Variants in ACVR1 observed in about 807,000 individuals in gnomAD.
ACVR1 encodes the protein activin receptor type-1.
In ACVR1, 38 loss-of-function variants were observed where a neutral mutation model predicts 57.1. The observed-to-expected ratio is 0.67, with a 90% CI of 0.51 to 0.87. The LOEUF (loss-of-function observed/expected upper bound fraction) is 0.87, where lower values mean the gene tolerates loss of function less well. Ranked by LOEUF, ACVR1 falls within the 40% of genes least tolerant of loss-of-function variation. The pLI, the probability that ACVR1 is intolerant of heterozygous loss-of-function variation, is 0.00. For missense variants in ACVR1, 463 were observed against 638.2 expected, an observed-to-expected ratio of 0.73 and a Z score of 2.96; for synonymous variants, 212 against 228.1, an observed-to-expected ratio of 0.93 and a Z score of 0.63.
In ACVR1 at chr2:157,738,573, G is replaced by A; in HGVS notation, c.1265-3C>T. 1.9e-6 allele frequency: 3 copies of A among 1,614,004 alleles called. No homozygotes were observed. In the South Asian group the frequency reaches 3.3e-5, roughly 18 times the overall value. On this transcript the variant is annotated splice_polypyrimidine_tract_variant and splice_region_variant and intron_variant, in intron 9 of 10. Coordinates refer to ENST00000434821, the MANE Select transcript of ACVR1 (RefSeq NM_001111067.4). ...TGGCTTGTAATCCTCCACTATACCT[G>A]CACACAAGGACAAGAATTGTGTTCG...
chr2:157,754,733 G>C (rs1169031086), intron 9 of ACVR1, among the ~76,000 whole-genome samples: 1 of 152,154 alleles, frequency 6.6e-6, no homozygotes, highest in Non-Finnish European at 1.5e-5. Flanking sequence ...GATAGAGAAA[G>C]AGGGAATCTT....
intron 5 of ACVR1, among the ~76,000 whole-genome samples, chr2:157,774,685 G>A (rs898032656): frequency 6.6e-6 from 1 of 152,132 alleles, no homozygotes; most frequent in Non-Finnish European, 1.5e-5. Context: ...TATTTCTTCG[G>A]AATACTAGAA....
chr2:157,805,033 G>A (rs966458505), intron 2 of ACVR1, among the ~76,000 whole-genome samples: 1 of 152,166 alleles, frequency 6.6e-6, no homozygotes, highest in Non-Finnish European at 1.5e-5. Flanking sequence ...TGTGGTATTG[G>A]TCACAGAATA....
At chr2:157,851,832 G>A (rs1299717283) in intron 1 of ACVR1, among the ~76,000 whole-genome samples, 2 of 149,446 alleles carry the variant, frequency 1.3e-5, no homozygotes, top group African/African-American at 2.5e-5. Context: ...ACTAAAAAGA[G>A]GACTCCTGAG....
intron 1 of ACVR1, among the ~76,000 whole-genome samples, chr2:157,848,185 G>T (rs1689181583): frequency 6.6e-6 from 1 of 152,170 alleles, no homozygotes; most frequent in African/African-American, 2.4e-5. Context: ...CAAGAGGTGG[G>T]ATCTATATCT....
At chr2:157,844,586 A>C (rs1360516749) in intron 1 of ACVR1, among the ~76,000 whole-genome samples, 4 of 152,194 alleles carry the variant, frequency 2.6e-5, no homozygotes, top group Non-Finnish European at 4.4e-5. Flanking sequence ...TTTACTTGAC[A>C]CTTTTCATTT....
chr2:157,861,282 A>G (rs1333099628), intron 1 of ACVR1, among the ~76,000 whole-genome samples: 1 of 152,208 alleles, frequency 6.6e-6, no homozygotes, highest in Non-Finnish European at 1.5e-5. Flanking sequence ...GGCACACAGT[A>G]GCTACTTAAT....
chr2:157,784,344 C>T (rs532728628), intron 3 of ACVR1, among the ~76,000 whole-genome samples: 1 of 152,300 alleles, frequency 6.6e-6, no homozygotes, highest in East Asian at 1.9e-4. Flanking sequence ...GACTGATTTT[C>T]AACAGTACTG....
chr2:157,804,212 GTAC>G (rs1231915647), intron 2 of ACVR1, among the ~76,000 whole-genome samples: 9 of 152,224 alleles, frequency 5.9e-5, no homozygotes, highest in African/African-American at 2.2e-4. Flanking sequence ...CTCAGTCTTT[GTAC>G]TATATCAGAT....
Position 157,765,946 on chromosome 2 carries a change from A to G in ACVR1, c.1041T>C (p.Asn347=). Residue 347 remains asparagine, a synonymous_variant, in exon 8 of 11, where the codon AAT becomes AAC. Coordinates refer to ENST00000434821, the MANE Select transcript of ACVR1 (RefSeq NM_001111067.4). ...LKSKNILVKK[N]GQCCIADLGL... ...CCAAATCTGCTATGCAACACTGTCC[A>G]TTCTTCTTAACCAGAATATTTTTGC... 3 of 1,614,150 alleles carry G rather than the reference A, an allele frequency of 1.9e-6. No homozygotes were observed. In the South Asian group the frequency reaches 3.3e-5, roughly 18 times the overall value.
chr2:157,793,166 C>T (rs1274657753), intron 3 of ACVR1, among the ~76,000 whole-genome samples: 1 of 152,120 alleles, frequency 6.6e-6, no homozygotes, highest in African/African-American at 2.4e-5. Flanking sequence ...CTCTGGAGAC[C>T]TGTCTTTATA....
intron 1 of ACVR1, among the ~76,000 whole-genome samples, chr2:157,833,815 G>A (rs1574126706): frequency 6.6e-6 from 1 of 151,900 alleles, no homozygotes; most frequent in African/African-American, 2.4e-5. Context: ...TTTTAATTTT[G>A]AATGCGTTAA....
chr2:157,779,108 G>A (rs912775163), intron 4 of ACVR1, among the ~76,000 whole-genome samples: 14 of 152,084 alleles, frequency 9.2e-5, no homozygotes, highest in African/African-American at 2.4e-4. Context: ...AAAATGCAAC[G>A]CTGAATTATA....
chr2:157,833,169 T>G (rs918485920), intron 1 of ACVR1, among the ~76,000 whole-genome samples: 1 of 152,228 alleles, frequency 6.6e-6, no homozygotes, highest in Non-Finnish European at 1.5e-5. Context: ...GAGGTGATAC[T>G]ACAGCCAGCT....
chr2:157,857,445 A>G (rs759307905), intron 1 of ACVR1, among the ~76,000 whole-genome samples: 5 of 151,938 alleles, frequency 3.3e-5, no homozygotes, highest in Non-Finnish European at 5.9e-5. Flanking sequence ...TTCCTCCACC[A>G]TAAGGAAGAA....
intron 9 of ACVR1, among the ~76,000 whole-genome samples, chr2:157,760,162 TC>T (rs1415145050): frequency 6.6e-6 from 1 of 152,170 alleles, no homozygotes; most frequent in African/African-American, 2.4e-5. Flanking sequence ...AAATTGTCCC[TC>T]TTTGCAGGTG....
At chr2:157,808,567 C>G (rs1687640690) in intron 2 of ACVR1, among the ~76,000 whole-genome samples, 1 of 152,104 alleles carries the variant, frequency 6.6e-6, no homozygotes, top group Admixed American at 6.5e-5. Flanking sequence ...CAGACAACTC[C>G]CTGGTGGACA....
rs144593801 is a variant in ACVR1, at chr2:157,813,549, T to C, written c.-8+4836A>G. ...AGTGATGTCTGCCGTTTCTGATCAC[T>C]AGCCCTGGACTTTCTTCTTTGCCCT... On this transcript the variant is annotated intron_variant, in intron 2 of 10. Coordinates refer to ENST00000434821, the MANE Select transcript of ACVR1 (RefSeq NM_001111067.4). Among the ~76,000 whole-genome samples, 769 of 152,344 alleles carry C rather than the reference T, an allele frequency of 5.0e-3. 7 individuals are homozygous for C. Among genetic ancestry groups the C allele is most frequent in the Non-Finnish European group, 7.8e-3 (531 of 68,032 alleles).
intron 2 of ACVR1, among the ~76,000 whole-genome samples, chr2:157,816,648 T>C (rs974354042): frequency 6.6e-6 from 1 of 152,028 alleles, no homozygotes; most frequent in African/African-American, 2.4e-5. Context: ...TAATAATACA[T>C]TGGACTTTCC....
Sources: allele counts gnomAD v4.1 joint callset (sites outside exome capture counted in the v4.1 genomes callset), GRCh38; gene constraint gnomAD v4.1.1; transcripts MANE v1.5; gene names NCBI Gene and HGNC (gene_info 2026-07-23, HGNC 2026-07-21).